The following TUSC3 variants were observed in gnomAD, a reference collection of about 807,000 sequenced individuals.
The protein encoded by TUSC3 is dolichyl-diphosphooligosaccharide--protein glycosyltransferase subunit TUSC3.
Under a neutral mutation model 44.8 loss-of-function variants are expected in TUSC3, and 45 were observed. The ratio of observed to expected loss-of-function variants is 1.00; its 90% CI spans 0.79 to 1.29. The LOEUF (loss-of-function observed/expected upper bound fraction) is 1.29. TUSC3 is among the 50% of genes most tolerant of loss of function. The probability of loss-of-function intolerance (pLI) is 0.00; values close to 1 mark genes in which losing one functional copy is unlikely to be tolerated. For missense variants in TUSC3, 519 were observed against 437.9 expected (o/e 1.19, Z -1.65); for synonymous variants, 212 against 152.9 (o/e 1.39, Z -2.85).
At chr8:15,553,666 G>A (rs998529594) in intron 1 of TUSC3, among the ~76,000 whole-genome samples, 1 of 151,740 alleles carries the variant, frequency 6.6e-6, no homozygotes, top group African/African-American at 2.4e-5. Flanking sequence ...ACACTAGAAT[G>A]TGGTAGGTTA....
the TUSC3 span, among the ~76,000 whole-genome samples, chr8:15,781,359 C>A: frequency 6.6e-6 from 1 of 152,114 alleles, no homozygotes; most frequent in Non-Finnish European, 1.5e-5. Context: ...ATGGTATATC[C>A]TAATCTTCTG....
intron 1 of TUSC3, among the ~76,000 whole-genome samples, chr8:15,543,197 C>G (rs895937724): frequency 6.6e-6 from 1 of 152,176 alleles, no homozygotes; most frequent in South Asian, 2.1e-4. Flanking sequence ...CACAATGGAA[C>G]CTGGAAGTGT....
intron 1 of TUSC3, among the ~76,000 whole-genome samples, chr8:15,443,086 T>C (rs1800041731): frequency 1.3e-5 from 2 of 152,200 alleles, no homozygotes; most frequent in Admixed American, 6.5e-5. Flanking sequence ...TCAGCTCAGT[T>C]GTATACTGAA....
intron 2 of TUSC3, among the ~76,000 whole-genome samples, chr8:15,519,137 T>G (rs776876750): frequency 1.3e-5 from 2 of 152,220 alleles, no homozygotes; most frequent in Non-Finnish European, 2.9e-5. Flanking sequence ...ATTACTCATT[T>G]TTTAATTAAA....
At chr8:15,529,948 G>C (rs112113392) in intron 2 of TUSC3, among the ~76,000 whole-genome samples, 32 of 5,268 alleles carry the variant, frequency 6.1e-3, no homozygotes, top group South Asian at 0.025. Context: ...CAGGCGCCCG[G>C]CTAATTTTTT....
intron 2 of TUSC3, among the ~76,000 whole-genome samples, chr8:15,518,883 A>T (rs1207294144): frequency 6.6e-6 from 1 of 152,216 alleles, no homozygotes; most frequent in Non-Finnish European, 1.5e-5. Flanking sequence ...AAATGGAATC[A>T]ATCTAAATTA....
At chr8:15,827,227 A>G in the TUSC3 span, among the ~76,000 whole-genome samples, 1 of 152,180 alleles carries the variant, frequency 6.6e-6, no homozygotes, top group African/African-American at 2.4e-5. Flanking sequence ...GGAGCATGTG[A>G]TCTATTAGGG....
At chr8:15,687,962 A>G (rs1808711597) in intron 6 of TUSC3, among the ~76,000 whole-genome samples, 1 of 152,216 alleles carries the variant, frequency 6.6e-6, no homozygotes, top group Admixed American at 6.5e-5. Flanking sequence ...CATCTAATAC[A>G]GTTAATTATT....
At chr8:15,666,771 A>G (rs1807682462) in intron 5 of TUSC3, among the ~76,000 whole-genome samples, 1 of 151,350 alleles carries the variant, frequency 6.6e-6, no homozygotes, top group Non-Finnish European at 1.5e-5. Flanking sequence ...ATGGCCCCAG[A>G]CAGTTCTGCT....
At chr8:15,734,819 C>G (rs1399528001) in intron 7 of TUSC3, among the ~76,000 whole-genome samples, 2 of 152,066 alleles carry the variant, frequency 1.3e-5, no homozygotes, top group African/African-American at 2.4e-5. Flanking sequence ...GGTACACAAT[C>G]AAAATGACAG....
intron 1 of TUSC3, among the ~76,000 whole-genome samples, chr8:15,429,153 G>A (rs1315489401): frequency 6.6e-6 from 1 of 152,126 alleles, no homozygotes; most frequent in Non-Finnish European, 1.5e-5. Flanking sequence ...TGTATAAGGT[G>A]TAAGGAAGGG....
At chr8:15,519,341 A>G (rs983400082) in intron 2 of TUSC3, among the ~76,000 whole-genome samples, 1 of 152,146 alleles carries the variant, frequency 6.6e-6, no homozygotes, top group Non-Finnish European at 1.5e-5. Flanking sequence ...AGCATTTTTT[A>G]TAGCTTTTCT....
intron 2 of TUSC3, among the ~76,000 whole-genome samples, chr8:15,488,600 G>C (rs1800765658): frequency 6.6e-6 from 1 of 152,176 alleles, no homozygotes; most frequent in Non-Finnish European, 1.5e-5. Flanking sequence ...TGTTTATTTG[G>C]AGGTAGGTCC....
chr8:15,452,252 T>G (rs989661993), intron 1 of TUSC3, among the ~76,000 whole-genome samples: 1 of 152,208 alleles, frequency 6.6e-6, no homozygotes, highest in African/African-American at 2.4e-5. Flanking sequence ...TTCGCTGACT[T>G]TCTTCTCACT....
At chr8:15,509,095 G>A (rs1306655039) in intron 2 of TUSC3, among the ~76,000 whole-genome samples, 1 of 152,102 alleles carries the variant, frequency 6.6e-6, no homozygotes, top group Non-Finnish European at 1.5e-5. Flanking sequence ...GAGGGGGAGA[G>A]AGAAAAAAGA....
chr8:15,605,143 G>A (rs1311574988), intron 1 of TUSC3, among the ~76,000 whole-genome samples: 3 of 151,858 alleles, frequency 2.0e-5, no homozygotes, highest in South Asian at 4.1e-4. Flanking sequence ...GACCCCAAGC[G>A]TGAAGTGAGC....
chr8:15,465,833 C>T (rs549815774), intron 1 of TUSC3, among the ~76,000 whole-genome samples: 1 of 152,240 alleles, frequency 6.6e-6, no homozygotes, highest in African/African-American at 2.4e-5. Context: ...TGATTTTTCT[C>T]TCGAGTCTAC....
chr8:15,632,495 G>T (rs1805817092), intron 2 of TUSC3, among the ~76,000 whole-genome samples: 1 of 152,156 alleles, frequency 6.6e-6, no homozygotes, highest in African/African-American at 2.4e-5. Context: ...ATTGTACAGG[G>T]AAATTTTTTT....
rs1408603525 is a variant in TUSC3 at position 15,743,546 on chromosome 8, A to G, written c.871A>G (p.Ile291Val). 13 of 1,613,860 alleles carry G rather than the reference A, an allele frequency of 8.1e-6. No individual in the cohort carries two copies. Among genetic ancestry groups the G allele is most frequent in the Admixed American group, 1.7e-5 (1 of 59,992 alleles). The change falls in exon 8 of 11, where the codon ATC (isoleucine) becomes GTC (valine). Residue 291 changes from isoleucine to valine, a missense_variant. Physicochemically the swap from Ile to Val is conservative, Grantham distance 29 (BLOSUM62 3). Coordinates refer to ENST00000503731, the MANE Select transcript of TUSC3 (RefSeq NM_006765.4). Reference protein sequence around the residue: ...SHIILVLNAAITMGMVLLNEA... With the variant: ...SHIILVLNAAVTMGMVLLNEA... ...CTTGACAACTACTGCAGATGCCGCT[A>G]TCACCATGGGGATGGTTCTTCTAAA...
Sources: gnomAD v4.1 joint callset for allele counts (sites outside exome capture counted in the v4.1 genomes callset) on GRCh38, gnomAD v4.1.1 for gene constraint, MANE v1.5 for transcripts, NCBI Gene and HGNC (gene_info 2026-07-23, HGNC 2026-07-21) for gene names.